The following BAIAP2 variants were observed in gnomAD, a reference collection of about 807,000 sequenced individuals.
BAIAP2 encodes the protein BAR/IMD domain containing adaptor protein 2, also known as BAR/IMD domain-containing adapter protein 2.
Under a neutral mutation model 63.0 loss-of-function variants are expected in BAIAP2, and 18 were observed. The ratio of observed to expected loss-of-function variants is 0.29; its 90% CI spans 0.20 to 0.42. BAIAP2 has a LOEUF of 0.42. Ranked by LOEUF, BAIAP2 falls within the 10% of genes least tolerant of loss-of-function variation. The pLI, the probability that BAIAP2 is intolerant of heterozygous loss-of-function variation, is 1.00. For missense variants in BAIAP2, 610 were observed against 734.3 expected, an observed-to-expected ratio of 0.83 and a Z score of 1.96; for synonymous variants, 386 against 307.6, an observed-to-expected ratio of 1.25 and a Z score of -2.67.
At chr17:81,040,175 CAG>C (rs1274361115) in intron 1 of BAIAP2, among the ~76,000 whole-genome samples, 1 of 152,236 alleles carries the variant, frequency 6.6e-6, no homozygotes, top group Non-Finnish European at 1.5e-5. Flanking sequence ...TACATTGAGC[CAG>C]AGTCTGCCCT....
intron 3 of BAIAP2, among the ~76,000 whole-genome samples, chr17:81,070,526 A>G (rs369210416): frequency 1.3e-5 from 2 of 152,104 alleles, no homozygotes; most frequent in East Asian, 1.9e-4. Context: ...GAGGGAGGAG[A>G]GAGGCACAGG....
In BAIAP2 at chr17:81,046,023, C is replaced by A. The variant is rs1183103896; in HGVS notation, c.55-7645C>A. On this transcript the variant is annotated intron_variant, in intron 1 of 13. Transcript: ENST00000428708. This position sits in a 1 kb window ranked among gnomAD's most constrained non-coding sequence, Gnocchi z 4.5. Reference sequence around the variant, plus strand: ...CTCATGGTGGGGGCCCCTGGCACGGCAGAGGGGTTTGGCCACCCAGTTTTC... The same window carrying A: ...CTCATGGTGGGGGCCCCTGGCACGGAAGAGGGGTTTGGCCACCCAGTTTTC... Among the ~76,000 whole-genome samples the A allele has an allele frequency of 1.3e-5, 2 of 152,152 alleles. No homozygotes were observed. The highest frequency in any genetic ancestry group is 4.8e-5 in the African/African-American group (2 of 41,444).
intron 6 of BAIAP2, chr17:81,098,129 A>G: frequency 1.4e-6 from 2 of 1,443,952 alleles, no homozygotes; most frequent in Non-Finnish European, 1.8e-6. Flanking sequence ...TGCTCCTCCC[A>G]GAGGGACAGA....
At chr17:81,070,967 A>G (rs1013834980) in intron 3 of BAIAP2, among the ~76,000 whole-genome samples, 2 of 151,704 alleles carry the variant, frequency 1.3e-5, no homozygotes, top group Middle Eastern at 6.8e-3. Flanking sequence ...CTCTCCCTCC[A>G]CCCCCATGTC....
chr17:81,069,595 G>A (rs1355236212), intron 3 of BAIAP2, among the ~76,000 whole-genome samples: 1 of 152,222 alleles, frequency 6.6e-6, no homozygotes, highest in Non-Finnish European at 1.5e-5. Context: ...CTCTGCAGTA[G>A]CCCCTTCCTT....
intron 6 of BAIAP2, among the ~76,000 whole-genome samples, chr17:81,095,612 G>A (rs1438647044): frequency 1.3e-5 from 2 of 152,156 alleles, no homozygotes; most frequent in Non-Finnish European, 2.9e-5. Context: ...CTCATGTGGG[G>A]GCTCCAAGGC....
chr17:81,077,101 C>A (rs555031246), intron 3 of BAIAP2, among the ~76,000 whole-genome samples: 1 of 152,214 alleles, frequency 6.6e-6, no homozygotes, highest in Admixed American at 6.5e-5. Context: ...GGGAATAGGC[C>A]GCTCCACAGA....
At chr17:81,097,515 G>C (rs979888886) in intron 6 of BAIAP2, 5 of 152,340 alleles carry the variant, frequency 3.3e-5, no homozygotes, top group African/African-American at 1.2e-4. Context: ...CGCTGAGTCA[G>C]AGCTGTAGGC....
Position 81,053,661 on chromosome 17 carries a change from C to T in BAIAP2, c.55-7C>T, listed in dbSNP as rs1598542489. 3 of 1,614,098 alleles carry T rather than the reference C, an allele frequency of 1.9e-6. No homozygotes were observed. Among genetic ancestry groups the T allele is most frequent in the Non-Finnish European group, 2.5e-6 (3 of 1,179,944 alleles). ...AGTAATGCTGTTTCTTCTCTGCTTT[C>T]TTCCAGACCATCATGGAGCAGTTCA... On this transcript the variant is annotated splice_region_variant and splice_polypyrimidine_tract_variant and intron_variant, in intron 1 of 13. Coordinates refer to ENST00000428708, the MANE Select transcript of BAIAP2 (RefSeq NM_001144888.2).
At chr17:81,107,247 G>A (rs117277553) in intron 12 of BAIAP2, 598 of 273,728 alleles carry the variant, frequency 2.2e-3, no homozygotes, top group Non-Finnish European at 3.5e-3. Flanking sequence ...GGGCCTGGAC[G>A]CCGCCGCCTT....
In BAIAP2 at chr17:81,085,680, T is replaced by C. The variant is rs777419131; in HGVS notation, c.306T>C (p.Leu102=). ...EMLKSFHNEL[L]TQLEQKVELD... ...TGAAGTCTTTTCACAACGAGCTGCTTACGCAGCTGGAGCAGAAGGTGGAGC... is the reference window on the plus strand; with the variant it reads ...TGAAGTCTTTTCACAACGAGCTGCTCACGCAGCTGGAGCAGAAGGTGGAGC... Residue 102 remains leucine, a synonymous_variant, in exon 5 of 14, where the codon CTT becomes CTC. Coordinates refer to ENST00000428708, the MANE Select transcript of BAIAP2 (RefSeq NM_001144888.2). 3.1e-6 allele frequency: 5 copies of C among 1,613,920 alleles called. No individual in the cohort carries two copies. The highest frequency in any genetic ancestry group is 4.2e-6 in the Non-Finnish European group (5 of 1,180,030).
At chr17:81,090,738 C>T (rs887953138) in intron 6 of BAIAP2, among the ~76,000 whole-genome samples, 2 of 152,218 alleles carry the variant, frequency 1.3e-5, no homozygotes, top group Non-Finnish European at 2.9e-5. Flanking sequence ...ACGCGCCCCC[C>T]GAGCTGCGGG....
chr17:81,067,879 G>A (rs764312394), intron 3 of BAIAP2, among the ~76,000 whole-genome samples: 12 of 152,226 alleles, frequency 7.9e-5, no homozygotes, highest in Non-Finnish European at 1.6e-4. Context: ...GCCGTCCCTC[G>A]GTACTGTCAC....
At chr17:81,064,138 C>T (rs2051060549) in intron 3 of BAIAP2, among the ~76,000 whole-genome samples, 1 of 152,220 alleles carries the variant, frequency 6.6e-6, no homozygotes, top group South Asian at 2.1e-4. Flanking sequence ...CCCTGGCTGC[C>T]CTTCTTCCTC....
intron 6 of BAIAP2, chr17:81,098,216 T>C: frequency 1.5e-6 from 2 of 1,334,544 alleles, no homozygotes; most frequent in Non-Finnish European, 1.9e-6. Flanking sequence ...CAACAAGCCC[T>C]GCACCCATGG....
chr17:81,056,067 G>A (rs1048428480), intron 2 of BAIAP2, among the ~76,000 whole-genome samples: 2 of 152,176 alleles, frequency 1.3e-5, no homozygotes, highest in African/African-American at 4.8e-5. Flanking sequence ...GCTTCATGGG[G>A]GTCCCAGGGA....
Position 81,116,715 on chromosome 17 carries a change from T to G in BAIAP2, c.*876T>G. ...GGAATTGGGGGTTTTAAAACTTCAT[T>G]AGCAGATTTGTGCTCTTCCATACTG... On this transcript the variant is annotated 3_prime_UTR_variant, in exon 14 of 14. Coordinates refer to ENST00000428708, the MANE Select transcript of BAIAP2 (RefSeq NM_001144888.2). 4.2e-6 allele frequency: 1 copy of G among 239,310 alleles called. No individual in the cohort carries two copies. 14.8% of individuals were successfully genotyped at this position (239,310 alleles called of 1,614,324 possible).
intron 6 of BAIAP2, among the ~76,000 whole-genome samples, chr17:81,097,173 T>G (rs2057769182): frequency 1.3e-5 from 2 of 152,122 alleles, no homozygotes; most frequent in Non-Finnish European, 1.5e-5. Context: ...CTCTGGAGGG[T>G]CAAGGCCTAC....
At chr17:81,061,474 CTG>C (rs1158852759) in intron 3 of BAIAP2, among the ~76,000 whole-genome samples, 1 of 152,232 alleles carries the variant, frequency 6.6e-6, no homozygotes, top group Non-Finnish European at 1.5e-5. Flanking sequence ...CTTTCTGTCA[CTG>C]TAATTTAGCA....
Sources: gnomAD v4.1 joint callset for allele counts (sites outside exome capture counted in the v4.1 genomes callset) on GRCh38, gnomAD v4.1.1 for gene constraint, Gnocchi (gnomAD v3.1) non-coding constraint, MANE v1.5 for transcripts, NCBI Gene and HGNC (gene_info 2026-07-23, HGNC 2026-07-21) for gene names.